DCC: variants seen among roughly 807,000 people sequenced by gnomAD.
DCC encodes DCC netrin 1 receptor, also known as netrin receptor DCC.
Under a neutral mutation model 172.5 loss-of-function variants are expected in DCC, and 58 were observed. The observed-to-expected ratio is 0.34, with a 90% confidence interval of 0.27 to 0.42. The LOEUF (loss-of-function observed/expected upper bound fraction) is 0.42. Among genes scored for constraint, DCC ranks in the 10% least tolerant of loss-of-function variants. DCC has a pLI of 1.00. For missense variants in DCC, 1,740 were observed against 1,791.0 expected (o/e 0.97, Z 0.51); for synonymous variants, 709 against 644.5 (o/e 1.10, Z -1.52).
chr18:53,380,519 A>G (rs540777377), intron 15 of DCC, among the ~76,000 whole-genome samples: 2 of 152,280 alleles, frequency 1.3e-5, no homozygotes, highest in South Asian at 2.1e-4. Flanking sequence ...ACAAAATCCT[A>G]TTGTTTCCTC....
At chr18:52,660,846 TA>T (rs1442979542) in intron 1 of DCC, among the ~76,000 whole-genome samples, 1 of 152,184 alleles carries the variant, frequency 6.6e-6, no homozygotes, top group Admixed American at 6.5e-5. Context: ...TTCCCCAGCC[TA>T]TTCCTATCAT....
intron 1 of DCC, among the ~76,000 whole-genome samples, chr18:52,381,346 G>C (rs9955119): frequency 0.023 from 3,513 of 152,148 alleles, 124 homozygotes; most frequent in African/African-American, 0.078. Context: ...AGCATCTAAG[G>C]GTGGAATCTT....
chr18:52,870,873 C>T (rs1435560252), intron 2 of DCC, among the ~76,000 whole-genome samples: 2 of 152,122 alleles, frequency 1.3e-5, no homozygotes, highest in African/African-American at 4.8e-5. Flanking sequence ...TCCCATGTTG[C>T]ATAGCCAGCT....
At chr18:53,013,205 G>A (rs1002290275) in intron 5 of DCC, among the ~76,000 whole-genome samples, 3 of 151,816 alleles carry the variant, frequency 2.0e-5, no homozygotes, top group African/African-American at 7.3e-5. Flanking sequence ...ATTTGATCCA[G>A]CAATCCCCAA....
intron 5 of DCC, among the ~76,000 whole-genome samples, chr18:52,945,083 T>C (rs2040520506): frequency 6.6e-6 from 1 of 152,182 alleles, no homozygotes; most frequent in Non-Finnish European, 1.5e-5. Context: ...GACATGCCAT[T>C]TATAAATGAA....
Position 53,215,561 on chromosome 18 carries a change from G to T in DCC, c.1875G>T (p.Pro625=), listed in dbSNP as rs779903242. 5.0e-6 allele frequency: 8 copies of T among 1,613,720 alleles called. No individual in the cohort carries two copies. The highest frequency in any genetic ancestry group is 6.8e-6 in the Non-Finnish European group (8 of 1,179,732). The change falls in exon 12 of 29, where the codon CCG becomes CCT. Residue 625 remains proline (P), a synonymous_variant. Transcript: ENST00000442544. The stretch of plus-strand genomic sequence containing the variant: ...GATTCCTTTTAGTGCCAAGTGCCCC[G>T]CCTCAGAACGTCTCCCTGGAAGTGG... ...VVTLSDVPSA[P]PQNVSLEVVN...
chr18:52,391,407 T>G (rs1986026026), intron 1 of DCC, among the ~76,000 whole-genome samples: 1 of 152,148 alleles, frequency 6.6e-6, no homozygotes, highest in South Asian at 2.1e-4. Context: ...TAATTTCTGG[T>G]TTTGCATCCT....
chr18:52,802,750 C>T (rs1277850678), intron 2 of DCC, among the ~76,000 whole-genome samples: 1 of 140,296 alleles, frequency 7.1e-6, no homozygotes, highest in Non-Finnish European at 1.5e-5. Flanking sequence ...AAGTCATCCT[C>T]TAGCCTCAGC....
chr18:53,512,960 A>G (rs934115431), intron 27 of DCC, among the ~76,000 whole-genome samples: 20 of 152,172 alleles, frequency 1.3e-4, no homozygotes, highest in Non-Finnish European at 2.1e-4. Context: ...AATACAGAGA[A>G]TGCCACAAAG....
intron 7 of DCC, among the ~76,000 whole-genome samples, chr18:53,073,192 A>G (rs141344376): frequency 1.2e-4 from 19 of 152,250 alleles, no homozygotes; most frequent in African/African-American, 4.6e-4. Flanking sequence ...CACTTTAAAA[A>G]ATAATCACGT....
At chr18:53,125,590 C>T (rs979950309) in intron 7 of DCC, among the ~76,000 whole-genome samples, 7 of 152,088 alleles carry the variant, frequency 4.6e-5, no homozygotes, top group Non-Finnish European at 1.0e-4. Context: ...AGCAACACCA[C>T]CAGCGATTTT....
In DCC at chr18:52,490,847, C is replaced by A. The variant is rs543943080; in HGVS notation, c.91+149969C>A. 3.8e-4 allele frequency among the ~76,000 whole-genome samples: 58 copies of A among 152,178 alleles called. No individual in the cohort carries two copies. The South Asian group carries it at 6.8e-3, about 18-fold the overall frequency. The stretch of plus-strand genomic sequence containing the variant: ...GTCTCCAGACCAATGCTAAAGCTTA[C>A]CTATGGCTTCTAAAGTGAAACAAGA... On this transcript the variant is annotated intron_variant, in intron 1 of 28. Transcript: ENST00000442544.
intron 1 of DCC, among the ~76,000 whole-genome samples, chr18:52,399,727 G>A (rs1986365409): frequency 6.6e-6 from 1 of 151,826 alleles, no homozygotes; most frequent in African/African-American, 2.4e-5. Context: ...CTATATGATG[G>A]CATTAATTAT....
intron 13 of DCC, among the ~76,000 whole-genome samples, chr18:53,316,427 G>C (rs2057344525): frequency 6.6e-6 from 1 of 152,002 alleles, no homozygotes; most frequent in African/African-American, 2.4e-5. Flanking sequence ...GATTATCTTG[G>C]CTATGCAGGC....
chr18:53,384,879 G>A (rs1446260253), intron 15 of DCC, among the ~76,000 whole-genome samples: 1 of 150,500 alleles, frequency 6.6e-6, no homozygotes, highest in Non-Finnish European at 1.5e-5. Context: ...GCAGAGTCTC[G>A]CTGTGTCGCG....
chr18:52,635,337 A>G (rs980263267), intron 1 of DCC, among the ~76,000 whole-genome samples: 1 of 152,228 alleles, frequency 6.6e-6, no homozygotes, highest in Non-Finnish European at 1.5e-5. Flanking sequence ...CCTTTGCCCT[A>G]CGCAACACTG....
intron 14 of DCC, among the ~76,000 whole-genome samples, chr18:53,333,336 C>T (rs1445613954): frequency 2.0e-5 from 3 of 152,140 alleles, no homozygotes; most frequent in African/African-American, 7.2e-5. Context: ...ATGTAGTTTG[C>T]TGTAAAGAAA....
intron 5 of DCC, among the ~76,000 whole-genome samples, chr18:53,012,283 C>A (rs1311508953): frequency 6.6e-6 from 1 of 151,854 alleles, no homozygotes; most frequent in Non-Finnish European, 1.5e-5. Flanking sequence ...CTGGAAACAA[C>A]CCTAGTATAC....
At chr18:52,730,131 T>C (rs1186548461) in intron 1 of DCC, among the ~76,000 whole-genome samples, 1 of 152,212 alleles carries the variant, frequency 6.6e-6, no homozygotes, top group Non-Finnish European at 1.5e-5. Flanking sequence ...CCTATGATTA[T>C]GTAAGAGTAG....
Sources: gnomAD v4.1 joint callset for allele counts (sites outside exome capture counted in the v4.1 genomes callset) on GRCh38, gnomAD v4.1.1 for gene constraint, MANE v1.5 for transcripts, NCBI Gene and HGNC (gene_info 2026-07-23, HGNC 2026-07-21) for gene names.